Variants in ANTXR2 observed in about 807,000 individuals in gnomAD.
The protein encoded by ANTXR2 is ANTXR cell adhesion molecule 2, also known as anthrax toxin receptor 2.
Under a neutral mutation model 73.7 loss-of-function variants are expected in ANTXR2, and 44 were observed. The observed-to-expected ratio is 0.60, with a 90% CI of 0.47 to 0.77. ANTXR2 has a LOEUF of 0.77. ANTXR2 is among the 30% of genes least tolerant of loss of function. The pLI is 0.00. For missense variants in ANTXR2, 604 were observed against 592.5 expected (o/e 1.02, Z -0.20); for synonymous variants, 217 against 205.9 (o/e 1.05, Z -0.46).
intron 16 of ANTXR2, among the ~76,000 whole-genome samples, chr4:79,924,322 T>C (rs943631346): frequency 6.6e-6 from 1 of 152,092 alleles, no homozygotes; most frequent in Non-Finnish European, 1.5e-5. Context: ...GTTAAAAACA[T>C]TCTTTAAAAT....
intron 12 of ANTXR2, among the ~76,000 whole-genome samples, chr4:80,003,207 T>C (rs993925147): frequency 6.6e-6 from 1 of 152,012 alleles, no homozygotes; most frequent in Admixed American, 6.6e-5. Context: ...GTGGCACATA[T>C]ACACCATGGA....
At chr4:79,973,010 A>C (rs1034573644) in intron 16 of ANTXR2, among the ~76,000 whole-genome samples, 6 of 152,060 alleles carry the variant, frequency 3.9e-5, no homozygotes, top group Non-Finnish European at 7.4e-5. Context: ...AAATGTATAA[A>C]CTAGTATAAG....
At chr4:80,007,371 T>C (rs1248240346) in intron 12 of ANTXR2, among the ~76,000 whole-genome samples, 3 of 152,292 alleles carry the variant, frequency 2.0e-5, no homozygotes, top group East Asian at 3.9e-4. Flanking sequence ...GTAGGCATGA[T>C]TTGGAAGAGG....
intron 16 of ANTXR2, among the ~76,000 whole-genome samples, chr4:79,962,442 G>A (rs190929536): frequency 1.4e-4 from 21 of 152,134 alleles, no homozygotes; most frequent in Non-Finnish European, 2.5e-4. Context: ...TTTTAAAGAC[G>A]CCCTGAAAGG....
chr4:79,991,322 A>G (rs113135813), intron 12 of ANTXR2, among the ~76,000 whole-genome samples: 54,276 of 152,056 alleles, frequency 0.36, 12,068 homozygotes, highest in Non-Finnish European at 0.47. Context: ...AAGAAGACAT[A>G]TACAAGGCCA....
chr4:79,964,961 C>A (rs939020186), intron 16 of ANTXR2: 3 of 152,216 alleles, frequency 2.0e-5, no homozygotes, highest in Non-Finnish European at 4.4e-5. Flanking sequence ...GAAGAGAGCG[C>A]GAGAGAGGGC....
rs140441756 is a variant in ANTXR2, at chr4:79,997,736, A to C, written c.1041+10785T>G. Among the ~76,000 whole-genome samples, 697 of 152,112 alleles carry C rather than the reference A, an allele frequency of 4.6e-3. 10 individuals carry two copies. The highest frequency in any genetic ancestry group is 0.016 in the African/African-American group (662 of 41,542). On this transcript the variant is annotated intron_variant, in intron 12 of 16. Transcript: ENST00000403729. Reference sequence around the variant, plus strand: ...AATCTGGACAATAAATATAATTTAGAATGCTAAATGAGAACTAAGAAGAAC... The same window carrying C: ...AATCTGGACAATAAATATAATTTAGCATGCTAAATGAGAACTAAGAAGAAC...
chr4:79,988,562 C>A (rs539817335), intron 12 of ANTXR2, among the ~76,000 whole-genome samples: 1 of 151,892 alleles, frequency 6.6e-6, no homozygotes, highest in African/African-American at 2.4e-5. Context: ...GAGACTTCAA[C>A]ACTCCACTGA....
At chr4:80,034,929 G>A (rs1732885546) in intron 8 of ANTXR2, among the ~76,000 whole-genome samples, 1 of 152,134 alleles carries the variant, frequency 6.6e-6, no homozygotes, top group Non-Finnish European at 1.5e-5. Flanking sequence ...GATTCGGTAA[G>A]AGTATGGGCA....
intron 12 of ANTXR2, among the ~76,000 whole-genome samples, chr4:79,992,498 TA>T (rs1185590161): frequency 2.6e-5 from 4 of 151,940 alleles, no homozygotes; most frequent in Non-Finnish European, 2.9e-5. Flanking sequence ...AATTCAATTT[TA>T]TTTTTTTAAT....
intron 7 of ANTXR2, among the ~76,000 whole-genome samples, chr4:80,036,566 C>T (rs148770811): frequency 4.3e-4 from 66 of 152,032 alleles, no homozygotes; most frequent in Middle Eastern, 3.4e-3. Flanking sequence ...TTTGGGAGGC[C>T]GAGGCAGAGG....
chr4:80,017,631 G>C (rs1270194306), intron 11 of ANTXR2, among the ~76,000 whole-genome samples: 2 of 152,150 alleles, frequency 1.3e-5, no homozygotes, highest in Non-Finnish European at 2.9e-5. Flanking sequence ...CTGTTTTCCT[G>C]CTTGCATGGA....
intron 3 of ANTXR2, among the ~76,000 whole-genome samples, chr4:80,063,480 CATATAT>C (rs138574986): frequency 1.5e-4 from 22 of 151,360 alleles, no homozygotes; most frequent in African/African-American, 5.3e-4. Context: ...AATCAAACCA[CATATAT>C]ATATATAAAT....
chr4:79,952,838 T>C (rs1479317092), intron 16 of ANTXR2, among the ~76,000 whole-genome samples: 1 of 151,724 alleles, frequency 6.6e-6, no homozygotes, highest in African/African-American at 2.4e-5. Flanking sequence ...GTAATATTAT[T>C]ATTTTATACA....
Position 79,983,869 on chromosome 4 carries a change from G to T in ANTXR2, c.1179+9C>A. ...ATTAGCAGCTTCTATTTTTTTTTAA[G>T]ATACCAACCTCCATTCTTTTAATTC... is the stretch of plus-strand genomic sequence containing the variant. On this transcript the variant is annotated intron_variant, in intron 14 of 16. Coordinates refer to ENST00000403729, the MANE Select transcript of ANTXR2 (RefSeq NM_058172.6). 6.2e-7 allele frequency: 1 copy of T among 1,600,906 alleles called. No individual in the cohort carries two copies. Among genetic ancestry groups the T allele is most frequent in the Non-Finnish European group, 8.5e-7 (1 of 1,169,644 alleles).
At chr4:79,984,064 T>C in intron 13 of ANTXR2, 94 bp from the exon 14 acceptor site, 4 of 913,166 alleles carry the variant, frequency 4.4e-6, no homozygotes, top group Non-Finnish European at 6.6e-6. Context: ...TTCTGAATTA[T>C]GTCATTACTA....
chr4:80,054,426 C>A, intron 6 of ANTXR2, 74 bp from the exon 7 acceptor site: 1 of 1,068,190 alleles, frequency 9.4e-7, no homozygotes. Context: ...CGTTACATTT[C>A]AGTTATGTTC....
intron 10 of ANTXR2, among the ~76,000 whole-genome samples, chr4:80,030,547 C>A (rs910797896): frequency 6.6e-6 from 1 of 151,946 alleles, no homozygotes; most frequent in Non-Finnish European, 1.5e-5. Context: ...ATACAGAAAA[C>A]GAATAATACT....
At chr4:79,926,675 G>C (rs1421062736) in intron 16 of ANTXR2, among the ~76,000 whole-genome samples, 1 of 152,088 alleles carries the variant, frequency 6.6e-6, no homozygotes, top group Non-Finnish European at 1.5e-5. Flanking sequence ...CTGCTGTGAA[G>C]TTACTCTAAC....
Sources: allele counts gnomAD v4.1 joint callset (sites outside exome capture counted in the v4.1 genomes callset), GRCh38; gene constraint gnomAD v4.1.1; transcripts MANE v1.5; gene names NCBI Gene and HGNC (gene_info 2026-07-23, HGNC 2026-07-21).